The following M1AP variants were observed in gnomAD, a reference collection of about 807,000 sequenced individuals.
M1AP encodes the protein meiosis 1 arrest protein.
Under a neutral mutation model 51.2 loss-of-function variants are expected in M1AP, and 39 were observed. The ratio of observed to expected loss-of-function variants is 0.76; its 90% CI spans 0.59 to 1.00. The LOEUF is 1.00. Ranked by LOEUF, M1AP falls within the 50% of genes least tolerant of loss-of-function variation. M1AP has a pLI of 0.00. For synonymous variants in M1AP, 251 were observed against 249.2 expected, an observed-to-expected ratio of 1.01 and a Z score of -0.07; for missense variants, 545 against 641.2, an observed-to-expected ratio of 0.85 and a Z score of 1.62.
chr2:74,580,626 C>T (rs1679347895), intron 5 of M1AP, among the ~76,000 whole-genome samples: 1 of 152,170 alleles, frequency 6.6e-6, no homozygotes, highest in African/African-American at 2.4e-5. Flanking sequence ...AGTTCTATTA[C>T]AGCTGAAGAA....
At chr2:74,614,032 C>T (rs1283215906) in intron 3 of M1AP, among the ~76,000 whole-genome samples, 1 of 152,234 alleles carries the variant, frequency 6.6e-6, no homozygotes, top group Admixed American at 6.5e-5. Flanking sequence ...AGGTGATCTT[C>T]CTGCCTTGGC....
chr2:74,586,490 T>G (rs1466769399), intron 4 of M1AP, among the ~76,000 whole-genome samples: 2 of 152,234 alleles, frequency 1.3e-5, no homozygotes, highest in African/African-American at 4.8e-5. Flanking sequence ...GGCCTGCACC[T>G]CTTCCAGAAT....
chr2:74,598,369 G>A (rs536346907), intron 4 of M1AP, among the ~76,000 whole-genome samples: 2 of 146,142 alleles, frequency 1.4e-5, no homozygotes, highest in East Asian at 1.9e-4. Context: ...GTGACAGATC[G>A]AGACTCCATG....
intron 2 of M1AP, among the ~76,000 whole-genome samples, chr2:74,623,712 C>T (rs985527959): frequency 3.9e-5 from 6 of 152,140 alleles, no homozygotes; most frequent in African/African-American, 1.4e-4. Flanking sequence ...CGCTCTGTCA[C>T]CCAGGCTGGA....
chr2:74,614,875 A>G, intron 3 of M1AP, 89 bp downstream of exon 3: 1 of 1,223,776 alleles, frequency 8.2e-7, no homozygotes, highest in Middle Eastern at 2.7e-4. Context: ...AGTGAATGAA[A>G]GATAGAACAA....
chr2:74,641,490 T>C (rs1389944439), intron 1 of M1AP, among the ~76,000 whole-genome samples: 1 of 152,208 alleles, frequency 6.6e-6, no homozygotes, highest in African/African-American at 2.4e-5. Flanking sequence ...GAAAAATGTA[T>C]CTAACCAATA....
At chr2:74,590,437 AG>A (rs1379262733) in intron 4 of M1AP, among the ~76,000 whole-genome samples, 1 of 88,438 alleles carries the variant, frequency 1.1e-5, no homozygotes, top group Non-Finnish European at 2.3e-5. Context: ...GATGAATTTT[AG>A]GGGGGGCGGG....
At chr2:74,622,320 A>AGCCCGCCTC (rs1682099463) in intron 2 of M1AP, among the ~76,000 whole-genome samples, 1 of 151,668 alleles carries the variant, frequency 6.6e-6, no homozygotes, top group South Asian at 2.1e-4. Flanking sequence ...GCTCACTGCA[A>AGCCCGCCTC]CCCCGCCTCC....
chr2:74,632,343 G>A (rs1432488678), intron 2 of M1AP, among the ~76,000 whole-genome samples: 1 of 152,188 alleles, frequency 6.6e-6, no homozygotes, highest in Non-Finnish European at 1.5e-5. Context: ...TGGAATATTT[G>A]TATTCCTAGC....
In M1AP at chr2:74,603,271, A is replaced by C. The variant is rs146057042; in HGVS notation, c.595+3784T>G. ...AACAAATATATACTGATAATGTAGG[A>C]TATACACCAGGACACAGAAATGAGT... On this transcript the variant is annotated intron_variant, in intron 4 of 10. Transcript: ENST00000421985. 4.3e-4 allele frequency among the ~76,000 whole-genome samples: 65 copies of C among 152,382 alleles called. 1 individual carries two copies. The highest frequency in any genetic ancestry group is 1.4e-3 in the African/African-American group (57 of 41,598).
intron 5 of M1AP, among the ~76,000 whole-genome samples, chr2:74,581,120 T>A (rs1384725275): frequency 2.6e-5 from 4 of 152,236 alleles, no homozygotes; most frequent in Non-Finnish European, 5.9e-5. Context: ...GAACACTGGA[T>A]TGATCTCTCG....
intron 4 of M1AP, among the ~76,000 whole-genome samples, chr2:74,597,372 C>T (rs1680403723): frequency 6.6e-6 from 1 of 152,112 alleles, no homozygotes; most frequent in Admixed American, 6.5e-5. Flanking sequence ...CAAAGGCAGA[C>T]ACAATGAACA....
intron 2 of M1AP, among the ~76,000 whole-genome samples, chr2:74,622,788 T>C (rs1455821441): frequency 1.3e-5 from 2 of 151,418 alleles, no homozygotes; most frequent in African/African-American, 4.9e-5. Context: ...AGCAGTAATG[T>C]CTAATTTGGG....
intron 4 of M1AP, among the ~76,000 whole-genome samples, chr2:74,599,536 T>A (rs930366624): frequency 5.3e-5 from 8 of 152,196 alleles, no homozygotes; most frequent in African/African-American, 1.9e-4. Context: ...TGCTCTGCCA[T>A]GTCAGCCAAG....
intron 1 of M1AP, among the ~76,000 whole-genome samples, chr2:74,641,202 G>A (rs888126954): frequency 6.6e-6 from 1 of 152,048 alleles, no homozygotes; most frequent in African/African-American, 2.4e-5. Flanking sequence ...ATTGTTCTTC[G>A]CCTCAAGATT....
intron 1 of M1AP, among the ~76,000 whole-genome samples, chr2:74,643,261 A>G (rs1285063448): frequency 6.6e-6 from 1 of 152,214 alleles, no homozygotes; most frequent in African/African-American, 2.4e-5. Flanking sequence ...ATTAAAATGG[A>G]TAAATCATAG....
intron 2 of M1AP, among the ~76,000 whole-genome samples, chr2:74,637,301 T>C (rs1373853801): frequency 6.6e-6 from 1 of 152,228 alleles, no homozygotes; most frequent in Non-Finnish European, 1.5e-5. Flanking sequence ...TTTGGAACTT[T>C]TAAAATGTCT....
chr2:74,636,523 C>A (rs998428885), intron 2 of M1AP, among the ~76,000 whole-genome samples: 1 of 151,888 alleles, frequency 6.6e-6, no homozygotes, highest in African/African-American at 2.4e-5. Flanking sequence ...TTTTTAGTTT[C>A]TTTGTTTTCT....
intron 7 of M1AP, among the ~76,000 whole-genome samples, chr2:74,569,241 CAT>C (rs1191869679): frequency 6.6e-6 from 1 of 152,194 alleles, no homozygotes; most frequent in African/African-American, 2.4e-5. Flanking sequence ...ATGTGTTAGA[CAT>C]GTGCTGGGTG....
Sources: allele counts gnomAD v4.1 joint callset (sites outside exome capture counted in the v4.1 genomes callset), GRCh38; gene constraint gnomAD v4.1.1; transcripts MANE v1.5; gene names NCBI Gene and HGNC (gene_info 2026-07-23, HGNC 2026-07-21).